Variants in SLC22A31 observed in about 807,000 individuals in gnomAD.
SLC22A31 encodes the protein putative solute carrier family 22 member 31.
A neutral mutation model predicts 27.4 loss-of-function variants in SLC22A31; 42 were observed. The ratio of observed to expected loss-of-function variants is 1.53; its 90% CI spans 1.20 to 1.98. The LOEUF is 1.98. Among genes scored for constraint, SLC22A31 ranks in the 30% most tolerant of loss-of-function variants. The pLI is 0.00. For synonymous variants in SLC22A31, 290 were observed against 230.8 expected (o/e 1.26, Z -2.33); for missense variants, 593 against 479.9 (o/e 1.24, Z -2.20).
Position 89,196,014 on chromosome 16 carries a change from G to A in SLC22A31, c.1326C>T (p.Thr442=), listed in dbSNP as rs765561947. 5 of 1,513,786 alleles carry A rather than the reference G, an allele frequency of 3.3e-6. No homozygotes were observed. In the Admixed American group the frequency reaches 8.1e-5, roughly 25 times the overall value. 93.8% of individuals were successfully genotyped at this position (1,513,786 alleles called of 1,614,324 possible). The stretch of plus-strand genomic sequence containing the variant: ...CCAGGCAGGACTAGTGCTGCTCGGG[G>A]GTGTGGCCGGCCCAGTAGGAGTTGG... ...PPSNSYWAGH[T]PEQH Residue 442 remains threonine, a synonymous_variant, in exon 9 of 9, where the codon ACC becomes ACT. Transcript: ENST00000682282.
In SLC22A31 at chr16:89,199,965, C is replaced by G. The variant is rs554820570; in HGVS notation, c.25-149G>C. 2.3e-5 allele frequency: 9 copies of G among 398,276 alleles called. No individual in the cohort carries two copies. The South Asian group carries it at 1.1e-3, about 50-fold the overall frequency. The allele number at this position is 398,276 out of a possible 1,614,324, so 24.7% of individuals were successfully genotyped here. A position where few individuals can be genotyped will look rare whatever the true frequency, so the allele number is the denominator to read the frequency against. On this transcript the variant is annotated intron_variant, in intron 1 of 8. Transcript: ENST00000682282. Reference sequence around the variant, plus strand: ...AAGGGGAAACTGAGGCATGAGAGGGCAAGGGGCTTGGTCCAGGTCACACAG... The same window carrying G: ...AAGGGGAAACTGAGGCATGAGAGGGGAAGGGGCTTGGTCCAGGTCACACAG...
At chr16:89,198,625 C>T in intron 5 of SLC22A31, 27 bp downstream of exon 5, 1 of 1,530,280 alleles carries the variant, frequency 6.5e-7, no homozygotes, top group Non-Finnish European at 8.8e-7. Context: ...GTACCTGAAT[C>T]TCCCTCCTCC....
intron 7 of SLC22A31, among the ~76,000 whole-genome samples, chr16:89,197,917 T>C (rs1916121955): frequency 1.3e-5 from 2 of 152,184 alleles, no homozygotes; most frequent in Admixed American, 1.3e-4. Context: ...GGGCAGGTGT[T>C]TTAGGCTCAG....
chr16:89,199,321 C>T (rs1916320203), intron 3 of SLC22A31, 92 bp downstream of exon 3: 2 of 969,626 alleles, frequency 2.1e-6, no homozygotes, highest in African/African-American at 1.6e-5. Flanking sequence ...CTCACTGTCC[C>T]TGCAGCTCGG....
Position 89,198,635 on chromosome 16 carries a change from C to T in SLC22A31, c.598+17G>A. ...CTCCAGTACCTGAATCTCCCTCCTC[C>T]CTGGTAGGCGCCTGACCTGTAGCCA... On this transcript the variant is annotated intron_variant, in intron 5 of 8. Coordinates refer to ENST00000682282, the MANE Select transcript of SLC22A31 (RefSeq NM_001384763.1). 6.5e-7 allele frequency: 1 copy of T among 1,532,734 alleles called. No homozygotes were observed. The highest frequency in any genetic ancestry group is 8.7e-7 in the Non-Finnish European group (1 of 1,144,430). 94.9% of individuals were successfully genotyped at this position (1,532,734 alleles called of 1,614,324 possible).
rs1313859758 is a variant in SLC22A31 at position 89,198,499 on chromosome 16, A to T, written c.650T>A (p.Leu217Gln). 6 of 1,517,946 alleles carry T rather than the reference A, an allele frequency of 4.0e-6. No homozygotes were observed. Among genetic ancestry groups the T allele is most frequent in the Non-Finnish European group, 4.4e-6 (5 of 1,137,086 alleles). The allele number at this position is 1,517,946 out of a possible 1,614,324, so 94.0% of individuals were successfully genotyped here. Residue 217 changes from leucine (L) to glutamine (Q), a missense_variant, in exon 6 of 9, where the codon CTG becomes CAG. By Grantham distance (113) the Leu-to-Gln change is moderately radical. Coordinates refer to ENST00000682282, the MANE Select transcript of SLC22A31 (RefSeq NM_001384763.1). ...GGTGACTCGGGTACGCAGAAGCCCC[A>T]GTGGGGAGTGGTACCGGGGCTGGGG... Reference protein sequence around the residue: ...RSPQPRYHSPLGLLRTRVTWR... With the variant: ...RSPQPRYHSPQGLLRTRVTWR...
At chr16:89,198,840 C>G (rs1916257083) in intron 4 of SLC22A31, 43 bp from the exon 5 acceptor site, 2 of 1,511,200 alleles carry the variant, frequency 1.3e-6, no homozygotes, top group South Asian at 2.4e-5. Flanking sequence ...TCCACCTCCT[C>G]CTGGAAGGAG....
upstream of SLC22A31, chr16:89,201,588 C>G (rs1916620756): frequency 5.0e-6 from 2 of 398,490 alleles, no homozygotes; most frequent in Non-Finnish European, 8.9e-6. Flanking sequence ...GCAGGGTACC[C>G]ACGAGGCGGA....
rs1214907939 is a variant in SLC22A31 at position 89,198,558 on chromosome 16, C to T, written c.599-8G>A. The T allele has an allele frequency of 1.3e-5, 19 of 1,508,646 alleles. No individual in the cohort carries two copies. Among genetic ancestry groups the T allele is most frequent in the East Asian group, 2.5e-5 (1 of 40,464 alleles). The allele number at this position is 1,508,646 out of a possible 1,614,324, so 93.5% of individuals were successfully genotyped here. On this transcript the variant is annotated splice_region_variant and splice_polypyrimidine_tract_variant and intron_variant, in intron 5 of 8. Coordinates refer to ENST00000682282, the MANE Select transcript of SLC22A31 (RefSeq NM_001384763.1). ...CAGACAGCATGGTCAGCTCTGTAGC[C>T]GCAGAGATGTGAGGGGAGGGGGGTG...
chr16:89,198,575 A>G, intron 5 of SLC22A31, 25 bp from the exon 6 acceptor site: 1 of 1,512,750 alleles, frequency 6.6e-7, no homozygotes, highest in East Asian at 2.5e-5. Context: ...ATGTGAGGGG[A>G]GGGGGGTGAG....
In SLC22A31 at chr16:89,196,485, T is replaced by C. The variant is rs865794438; in HGVS notation, c.1035-180A>G. On this transcript the variant is annotated intron_variant, in intron 8 of 8. Coordinates refer to ENST00000682282, the MANE Select transcript of SLC22A31 (RefSeq NM_001384763.1). ...CGGCCCCTCTGTGGGAGAGAGTGCG[T>C]TGGGGGCAGCTGGTGGGGCAACAGA... 1.3e-5 allele frequency: 16 copies of C among 1,195,278 alleles called. No individual in the cohort carries two copies. The East Asian group carries it at 2.4e-4, about 18-fold the overall frequency. The allele number at this position is 1,195,278 out of a possible 1,614,324, so 74.0% of individuals were successfully genotyped here. A position where few individuals can be genotyped will look rare whatever the true frequency, so the allele number is the denominator to read the frequency against.
chr16:89,200,621 C>G (rs1343402084), upstream of SLC22A31, among the ~76,000 whole-genome samples: 1 of 152,150 alleles, frequency 6.6e-6, no homozygotes, highest in Non-Finnish European at 1.5e-5. Context: ...GTGGCAACCC[C>G]GTTCCAGTTT....
rs1337194902 is a variant in SLC22A31, at chr16:89,198,256, AG to A, written c.787del (p.Leu263TrpfsTer15). The stretch of plus-strand genomic sequence containing the variant: ...GGCTGCCGCCTCCAGGCCGGCCTCC[AG>A]GAAGTAGGGCAGGTAGAAGGTCGGC... ...QVPTFYLPYF[L>X]EAGLEAAALV... is the part of the protein sequence containing the mutation. On this transcript the variant is annotated frameshift_variant, in exon 7 of 9. Coordinates refer to ENST00000682282, the MANE Select transcript of SLC22A31 (RefSeq NM_001384763.1). LOFTEE classifies it high-confidence loss of function. 1 of 1,535,842 alleles carries A rather than the reference AG, an allele frequency of 6.5e-7. No homozygotes were observed. The highest frequency in any genetic ancestry group is 8.7e-7 in the Non-Finnish European group (1 of 1,146,898).
upstream of SLC22A31, among the ~76,000 whole-genome samples, chr16:89,200,730 G>T (rs1459771283): frequency 6.6e-6 from 1 of 152,032 alleles, no homozygotes; most frequent in Non-Finnish European, 1.5e-5. Context: ...GGAAAGGCAT[G>T]AAAGGGGCCT....
rs766526633 is a variant in SLC22A31, at chr16:89,198,216, G to A, written c.828C>T (p.Leu276=). Residue 276 remains leucine (L), a synonymous_variant, in exon 7 of 9, where the codon CTC becomes CTT. Transcript: ENST00000682282. The part of the protein sequence containing the change: ...GLEAAALVFL[L]LTADCCGRRP... The stretch of plus-strand genomic sequence containing the variant: ...GGCGTCCACAGCAATCTGCCGTCAG[G>A]AGCAGGAAGACCAAGGCTGCCGCCT... 4 of 1,535,790 alleles carry A rather than the reference G, an allele frequency of 2.6e-6. No homozygotes were observed. The highest frequency in any genetic ancestry group is 1.2e-5 in the South Asian group (1 of 84,068).
Position 89,196,316 on chromosome 16 carries a change from G to A in SLC22A31, c.1035-11C>T, listed in dbSNP as rs568474267. 1.8e-6 allele frequency: 2 copies of A among 1,093,092 alleles called. No individual in the cohort carries two copies. Among genetic ancestry groups the A allele is most frequent in the African/African-American group, 1.6e-5 (1 of 63,142 alleles). The allele number at this position is 1,093,092 out of a possible 1,614,324, so 67.7% of individuals were successfully genotyped here. A position where few individuals can be genotyped will look rare whatever the true frequency, so the allele number is the denominator to read the frequency against. On this transcript the variant is annotated splice_polypyrimidine_tract_variant and intron_variant, in intron 8 of 8. Transcript: ENST00000682282. Reference sequence around the variant, plus strand: ...CCCAGCCCGGCCCCCCTGTGGGACAGAGTGTGTTGGGGGCAGCCAGCCTCC... The same window carrying A: ...CCCAGCCCGGCCCCCCTGTGGGACAAAGTGTGTTGGGGGCAGCCAGCCTCC...
At position 89,197,421 on chromosome 16, in the gene SLC22A31, G is replaced by C; in HGVS notation, c.923-12C>G. 1.3e-6 allele frequency: 2 copies of C among 1,528,206 alleles called. No individual in the cohort carries two copies. The highest frequency in any genetic ancestry group is 1.8e-6 in the Non-Finnish European group (2 of 1,140,038). The allele number at this position is 1,528,206 out of a possible 1,614,324, so 94.7% of individuals were successfully genotyped here. A position where few individuals can be genotyped will look rare whatever the true frequency, so the allele number is the denominator to read the frequency against. On this transcript the variant is annotated splice_polypyrimidine_tract_variant and intron_variant, in intron 7 of 8. Transcript: ENST00000682282. ...CCAGCCTGGCAGATCTGGGGACAAA[G>C]AACAGGGGTTCCCAGGCTCTCTCCC...
chr16:89,199,370 C>G lies in SLC22A31; in HGVS notation c.283+43G>C. ...GGAGCCTCAGAGGCCTGCGGGCCAC[C>G]CACTGCCCCTCCCCCAGTGACAGCA... On this transcript the variant is annotated intron_variant, in intron 3 of 8. Transcript: ENST00000682282. 8.1e-6 allele frequency: 5 copies of G among 621,082 alleles called. No individual in the cohort carries two copies. In the East Asian group the frequency reaches 1.1e-4, roughly 14 times the overall value. 38.5% of individuals were successfully genotyped at this position (621,082 alleles called of 1,614,324 possible).
At chr16:89,197,463 G>A (rs1214907264) in intron 7 of SLC22A31, 54 bp from the exon 8 acceptor site, 27 of 1,269,196 alleles carry the variant, frequency 2.1e-5, no homozygotes, top group Non-Finnish European at 2.9e-5. Flanking sequence ...TTCCACCCTG[G>A]CCACTCAGGG....
Sources: allele counts gnomAD v4.1 joint callset (sites outside exome capture counted in the v4.1 genomes callset), GRCh38; gene constraint gnomAD v4.1.1; transcripts MANE v1.5; gene names NCBI Gene and HGNC (gene_info 2026-07-23, HGNC 2026-07-21).